TMEM108: variants seen among roughly 807,000 people sequenced by gnomAD.
TMEM108 encodes the protein cancer/testis antigen 124.
TMEM108 carries 12 observed loss-of-function variants against 35.1 expected under a neutral mutation model. The observed-to-expected ratio is 0.34, with a 90% CI of 0.22 to 0.55. The LOEUF is 0.55. Among genes scored for constraint, TMEM108 ranks in the 20% least tolerant of loss-of-function variants. TMEM108 has a pLI of 0.89. For synonymous variants in TMEM108, 287 were observed against 308.6 expected (o/e 0.93, Z 0.73); for missense variants, 680 against 753.3 (o/e 0.90, Z 1.14).
Position 133,137,153 on chromosome 3 carries a change from CAT to C in TMEM108, c.-47+91136_-47+91137del, listed in dbSNP as rs560493786. 4.0e-3 allele frequency among the ~76,000 whole-genome samples: 607 copies of C among 152,238 alleles called. 4 individuals carry two copies. The highest frequency in any genetic ancestry group is 0.013 in the African/African-American group (546 of 41,536). ...TAAGGCAGAAAGTGAGAAGTGGTGACATATGTGAACGCATGAACAATGCTAGG... is the reference window on the plus strand; with the variant it reads ...TAAGGCAGAAAGTGAGAAGTGGTGACATGTGAACGCATGAACAATGCTAGG... On this transcript the variant is annotated intron_variant, in intron 2 of 5. Transcript: ENST00000321871.
intron 3 of TMEM108, among the ~76,000 whole-genome samples, chr3:133,281,555 C>T (rs1328136027): frequency 7.9e-5 from 12 of 152,168 alleles, no homozygotes; most frequent in Admixed American, 5.9e-4. Flanking sequence ...TGTTACGTCA[C>T]GTGGCTAAAA....
intron 3 of TMEM108, among the ~76,000 whole-genome samples, chr3:133,234,868 C>T (rs1232646011): frequency 1.3e-5 from 2 of 152,086 alleles, no homozygotes; most frequent in Non-Finnish European, 2.9e-5. Context: ...TCCTCTCAGC[C>T]CAAAATCTGC....
intron 2 of TMEM108, among the ~76,000 whole-genome samples, chr3:133,131,821 C>G (rs553396364): frequency 1.1e-4 from 17 of 152,080 alleles, no homozygotes; most frequent in African/African-American, 3.6e-4. Context: ...CCAGTTAACA[C>G]ACAAATGATA....
rs1553764021 is a variant in TMEM108 at position 133,342,544 on chromosome 3, G to GTATATATA, written c.41-37203_41-37196dup. ...TAAAAAAGTTAAAAAAGAAAATGTGGTATATATATATACACACACACACAC... is the reference window on the plus strand; with the variant it reads ...TAAAAAAGTTAAAAAAGAAAATGTGGTATATATATATATATATATACACACACACACAC... On this transcript the variant is annotated intron_variant, in intron 3 of 5. Transcript: ENST00000321871. Among the ~76,000 whole-genome samples, 32 of 46,634 alleles carry GTATATATA rather than the reference G, an allele frequency of 6.9e-4. 9 individuals are homozygous for GTATATATA. The highest frequency in any genetic ancestry group is 2.3e-3 in the African/African-American group (25 of 10,940). The allele number at this position is 46,634 out of a possible 152,430, so 30.6% of individuals were successfully genotyped here. A position where few individuals can be genotyped will look rare whatever the true frequency, so the allele number is the denominator to read the frequency against.
chr3:133,387,321 C>A (rs1245036634), intron 4 of TMEM108: 13 of 985,404 alleles, frequency 1.3e-5, no homozygotes, highest in Non-Finnish European at 1.6e-5. Context: ...ACAATTTGAA[C>A]CTAGGTCTTT....
chr3:133,058,380 G>A (rs1943498185), intron 2 of TMEM108, among the ~76,000 whole-genome samples: 1 of 152,246 alleles, frequency 6.6e-6, no homozygotes, highest in South Asian at 2.1e-4. Flanking sequence ...CCTGAGGAGA[G>A]AATAACTTGC....
At chr3:133,065,240 G>T (rs75199965) in intron 2 of TMEM108, among the ~76,000 whole-genome samples, 4,197 of 152,042 alleles carry the variant, frequency 0.028, 104 homozygotes, top group South Asian at 0.061. Context: ...CCAAAAGTGT[G>T]GTTGTGTGTA....
rs558548440 is a variant in TMEM108 at position 133,193,277 on chromosome 3, T to A, written c.-46-35989T>A. 8.6e-4 allele frequency among the ~76,000 whole-genome samples: 131 copies of A among 152,322 alleles called. 1 individual carries two copies. Among genetic ancestry groups the A allele is most frequent in the African/African-American group, 2.9e-3 (121 of 41,572 alleles). ...AGCTATCAAAATCAAAGATAAATGA[T>A]GTTCTTTTGGTCACTTTTTAGAAAG... On this transcript the variant is annotated intron_variant, in intron 2 of 5. Coordinates refer to ENST00000321871, the MANE Select transcript of TMEM108 (RefSeq NM_023943.4).
intron 3 of TMEM108, among the ~76,000 whole-genome samples, chr3:133,290,916 T>C (rs963897284): frequency 1.3e-5 from 2 of 152,208 alleles, no homozygotes; most frequent in African/African-American, 4.8e-5. Flanking sequence ...AGAGATTTTA[T>C]GCAAATAAGT....
chr3:133,313,031 CAT>C (rs1035555042), intron 3 of TMEM108, among the ~76,000 whole-genome samples: 1 of 152,088 alleles, frequency 6.6e-6, no homozygotes, highest in African/African-American at 2.4e-5. Flanking sequence ...TGCTTTATAA[CAT>C]ATTTTCTTCC....
chr3:133,099,293 G>T (rs893140334), intron 2 of TMEM108, among the ~76,000 whole-genome samples: 3 of 152,114 alleles, frequency 2.0e-5, no homozygotes, highest in Admixed American at 2.0e-4. Context: ...AAGTTCCTAG[G>T]CTGCACGCAG....
At chr3:133,097,474 C>A (rs1036046664) in intron 2 of TMEM108, among the ~76,000 whole-genome samples, 1 of 152,150 alleles carries the variant, frequency 6.6e-6, no homozygotes, top group African/African-American at 2.4e-5. Flanking sequence ...GTTTCCCAGC[C>A]TATAAGTTGA....
intron 2 of TMEM108, among the ~76,000 whole-genome samples, chr3:133,129,367 A>T (rs1168058522): frequency 1.4e-5 from 2 of 146,396 alleles, no homozygotes; most frequent in Non-Finnish European, 3.0e-5. Flanking sequence ...CCCAAAAAAA[A>T]ATAAACGAAA....
chr3:133,334,169 G>A (rs2071446351), intron 3 of TMEM108, among the ~76,000 whole-genome samples: 2 of 152,114 alleles, frequency 1.3e-5, no homozygotes, highest in African/African-American at 4.8e-5. Flanking sequence ...GTTAGAATCA[G>A]ACCACATACT....
chr3:133,150,859 A>G (rs961498888), intron 2 of TMEM108, among the ~76,000 whole-genome samples: 5 of 152,110 alleles, frequency 3.3e-5, no homozygotes, highest in Admixed American at 1.3e-4. Flanking sequence ...CTTTCCAAAT[A>G]CCTTTAATGC....
At position 133,310,530 on chromosome 3, in the gene TMEM108, C is replaced by CTTTTTTTTTTTTTTTTTTTT. The variant is rs59215786; in HGVS notation, c.41-69212_41-69193dup. Among the ~76,000 whole-genome samples the CTTTTTTTTTTTTTTTTTTTT allele has an allele frequency of 2.2e-4, 5 of 22,250 alleles. 2 individuals are homozygous for CTTTTTTTTTTTTTTTTTTTT. Among genetic ancestry groups the CTTTTTTTTTTTTTTTTTTTT allele is most frequent in the Non-Finnish European group, 3.3e-4 (4 of 12,236 alleles). The allele number at this position is 22,250 out of a possible 152,430, so 14.6% of individuals were successfully genotyped here. A position where few individuals can be genotyped will look rare whatever the true frequency, so the allele number is the denominator to read the frequency against. On this transcript the variant is annotated intron_variant, in intron 3 of 5. Transcript: ENST00000321871. ...TCAGAGACTAGGATTGCAACCCCTG[C>CTTTTTTTTTTTTTTTTTTTT]TTTTTTTTTTTTTTTTTTTTTTTTT...
intron 2 of TMEM108, among the ~76,000 whole-genome samples, chr3:133,061,659 G>T (rs900628864): frequency 1.3e-5 from 2 of 152,192 alleles, no homozygotes. Context: ...TTTATTAACT[G>T]TATATGCCCT....
chr3:133,039,558 A>G (rs1943248687), intron 1 of TMEM108, among the ~76,000 whole-genome samples: 1 of 152,218 alleles, frequency 6.6e-6, no homozygotes, highest in Non-Finnish European at 1.5e-5. Context: ...TATGGAAAGT[A>G]TTCCCTGCCT....
chr3:133,105,796 A>G (rs890104691), intron 2 of TMEM108, among the ~76,000 whole-genome samples: 3 of 152,198 alleles, frequency 2.0e-5, no homozygotes, highest in African/African-American at 7.2e-5. Flanking sequence ...AGTACTTTTA[A>G]AAGTGTCAAA....
Sources: allele counts gnomAD v4.1 joint callset (sites outside exome capture counted in the v4.1 genomes callset), GRCh38; gene constraint gnomAD v4.1.1; transcripts MANE v1.5; gene names NCBI Gene and HGNC (gene_info 2026-07-23, HGNC 2026-07-21).